Variants in TEX11 observed in about 807,000 individuals in gnomAD.
TEX11 encodes the protein testis expressed 11, also known as testis-expressed protein 11.
TEX11 carries 7 observed loss-of-function variants against 84.4 expected under a neutral mutation model. The observed-to-expected ratio is 0.08, with a 90% CI of 0.05 to 0.16. TEX11 has a LOEUF of 0.16. TEX11 is among the 10% of genes least tolerant of loss of function. TEX11 has a pLI of 1.00. For missense variants in TEX11, 551 were observed against 660.5 expected (o/e 0.83, Z 1.82); for synonymous variants, 264 against 222.8 (o/e 1.18, Z -1.64).
intron 12 of TEX11, among the ~76,000 whole-genome samples, chrX:70,723,925 T>C (rs1253701958): frequency 2.7e-5 from 3 of 111,764 alleles, no homozygotes; most frequent in Non-Finnish European, 5.7e-5. Context: ...TCTAGTATTT[T>C]TAAATATAAA....
At chrX:70,776,235 A>G (rs904916656) in intron 9 of TEX11, among the ~76,000 whole-genome samples, 2 of 111,048 alleles carry the variant, frequency 1.8e-5, no homozygotes, top group Non-Finnish European at 3.8e-5. Context: ...AGATGAATGG[A>G]TGAAGAAAAT....
At chrX:70,890,797 A>G (rs2147880331) in intron 2 of TEX11, among the ~76,000 whole-genome samples, 1 of 112,588 alleles carries the variant, frequency 8.9e-6, no homozygotes, top group East Asian at 2.8e-4. Flanking sequence ...AACAAAAGGC[A>G]GCAGAAACTT....
At chrX:70,569,628 A>G (rs1378024870) in intron 25 of TEX11, among the ~76,000 whole-genome samples, 1 of 112,272 alleles carries the variant, frequency 8.9e-6, no homozygotes, top group African/African-American at 3.2e-5. Flanking sequence ...TCTAACAGAC[A>G]GGACCCTCAG....
At chrX:70,717,992 TAGAA>T (rs2090522198) in intron 13 of TEX11, among the ~76,000 whole-genome samples, 1 of 112,441 alleles carries the variant, frequency 8.9e-6, no homozygotes, top group South Asian at 3.6e-4. Flanking sequence ...GACTTGTAAA[TAGAA>T]AGCTAAAATC....
intron 20 of TEX11, among the ~76,000 whole-genome samples, chrX:70,621,810 A>G (rs1298034683): frequency 1.9e-5 from 2 of 107,140 alleles, no homozygotes; most frequent in Non-Finnish European, 3.8e-5. Flanking sequence ...TATATAAAGT[A>G]ACTTCTTACA....
intron 9 of TEX11, among the ~76,000 whole-genome samples, chrX:70,756,997 A>G (rs1260601909): frequency 8.9e-6 from 1 of 112,408 alleles, no homozygotes; most frequent in Non-Finnish European, 1.9e-5. Context: ...AGCTGATTCA[A>G]TCAAGTGGAA....
chrX:70,645,846 C>T (rs919155160), intron 17 of TEX11, among the ~76,000 whole-genome samples: 10 of 110,581 alleles, frequency 9.0e-5, no homozygotes, highest in African/African-American at 3.3e-4. Context: ...CCATACTACC[C>T]AAGGCAATCT....
intron 15 of TEX11, 145 bp from the exon 16 acceptor site, chrX:70,670,659 C>T (rs1461345705): frequency 9.7e-6 from 6 of 616,801 alleles, no homozygotes; most frequent in Non-Finnish European, 1.4e-5. Flanking sequence ...GTTCTAAGTG[C>T]ATTTTATTAT....
chrX:70,668,638 C>T (rs1227037039), intron 16 of TEX11, among the ~76,000 whole-genome samples: 1 of 112,338 alleles, frequency 8.9e-6, no homozygotes, highest in Non-Finnish European at 1.9e-5. Flanking sequence ...TTACTGTTCT[C>T]CTATTCTTCC....
In TEX11 at chrX:70,820,819, T is replaced by C. The variant is rs553175831; in HGVS notation, c.606+12694A>G. On this transcript the variant is annotated intron_variant, in intron 8 of 29. Coordinates refer to ENST00000374333, the MANE Select transcript of TEX11 (RefSeq NM_031276.3). The stretch of plus-strand genomic sequence containing the variant: ...CTCCCACCAGGCCCCACCTCCAACA[T>C]TGGAGATTACGCTTCAACATGAGAT... Among the ~76,000 whole-genome samples the C allele has an allele frequency of 2.2e-4, 24 of 111,511 alleles. No homozygotes were observed. The South Asian group carries it at 7.6e-3, about 35-fold the overall frequency.
chrX:70,651,032 C>A (rs989268973), intron 17 of TEX11, among the ~76,000 whole-genome samples: 2 of 112,037 alleles, frequency 1.8e-5, no homozygotes, highest in Non-Finnish European at 3.8e-5. Flanking sequence ...TCACCAATCA[C>A]CTCCCAAATA....
chrX:70,679,660 C>G (rs2090118630), intron 14 of TEX11, among the ~76,000 whole-genome samples: 2 of 103,484 alleles, frequency 1.9e-5, no homozygotes, highest in African/African-American at 7.1e-5. Context: ...GAAGCCCCTC[C>G]GCCCAGCAGC....
At chrX:70,527,107 A>G (rs886540617), downstream of TEX11, among the ~76,000 whole-genome samples, 4 of 112,241 alleles carry the variant, frequency 3.6e-5, no homozygotes, top group African/African-American at 9.7e-5. Context: ...AAGCAGAAAA[A>G]TCAACATTTA....
the TEX11 span, among the ~76,000 whole-genome samples, chrX:70,512,764 A>G: frequency 3.7e-5 from 4 of 108,977 alleles, no homozygotes; most frequent in Non-Finnish European, 7.6e-5. Context: ...GATGATATGG[A>G]GGGAGCTGTA....
At chrX:70,516,063 T>C in the TEX11 span, among the ~76,000 whole-genome samples, 3 of 111,626 alleles carry the variant, frequency 2.7e-5, no homozygotes, top group Non-Finnish European at 3.8e-5. Flanking sequence ...TTCTCCCATT[T>C]TGTAGGTTGC....
At chrX:70,681,211 C>G (rs2090145218) in intron 14 of TEX11, among the ~76,000 whole-genome samples, 1 of 112,522 alleles carries the variant, frequency 8.9e-6, no homozygotes, top group Non-Finnish European at 1.9e-5. Flanking sequence ...CTAGCCCAGT[C>G]AGCAAATGTA....
At chrX:70,645,549 G>GAA (rs201930662) in intron 17 of TEX11, among the ~76,000 whole-genome samples, 3 of 108,901 alleles carry the variant, frequency 2.8e-5, no homozygotes, top group Non-Finnish European at 5.7e-5. Flanking sequence ...CAGAGGCAAT[G>GAA]AAAAAAAATT....
chrX:70,690,854 T>TA (rs201608382), intron 13 of TEX11, among the ~76,000 whole-genome samples: 3 of 109,026 alleles, frequency 2.8e-5, no homozygotes, highest in Non-Finnish European at 5.8e-5. Context: ...CAGCATAGAC[T>TA]AAAAAAAAAT....
intron 25 of TEX11, among the ~76,000 whole-genome samples, chrX:70,570,850 C>A (rs1383793517): frequency 9.0e-6 from 1 of 111,538 alleles, no homozygotes; most frequent in Non-Finnish European, 1.9e-5. Flanking sequence ...TCACAATATC[C>A]TTTTTATTGT....
Sources: allele counts gnomAD v4.1 joint callset (sites outside exome capture counted in the v4.1 genomes callset), GRCh38; gene constraint gnomAD v4.1.1; transcripts MANE v1.5; gene names NCBI Gene and HGNC (gene_info 2026-07-23, HGNC 2026-07-21).